RPS6KA2: variants seen among roughly 807,000 people sequenced by gnomAD.
RPS6KA2 encodes the protein ribosomal protein S6 kinase alpha-2.
RPS6KA2 carries 42 observed loss-of-function variants against 91.8 expected under a neutral mutation model. The observed-to-expected ratio is 0.46, with a 90% CI of 0.36 to 0.59. The LOEUF (loss-of-function observed/expected upper bound fraction) is 0.59. Ranked by LOEUF, RPS6KA2 falls within the 20% of genes least tolerant of loss-of-function variation. The pLI, the probability that RPS6KA2 is intolerant of heterozygous loss-of-function variation, is 0.00. For missense variants in RPS6KA2, 798 were observed against 978.5 expected (o/e 0.82, Z 2.46); for synonymous variants, 414 against 393.6 (o/e 1.05, Z -0.61).
At chr6:166,695,508 T>G (rs1373419791) in intron 2 of RPS6KA2, among the ~76,000 whole-genome samples, 1 of 152,212 alleles carries the variant, frequency 6.6e-6, no homozygotes, top group Admixed American at 6.5e-5. Flanking sequence ...TTTTTCTGAT[T>G]ATGTCTGTTA....
In RPS6KA2 at chr6:166,733,732, G is replaced by A. The variant is rs2128589902; in HGVS notation, c.123+124468C>T. On this transcript the variant is annotated intron_variant, in intron 2 of 21. Coordinates refer to the RPS6KA2 transcript ENST00000503859. This position sits in a 1 kb window ranked among gnomAD's most constrained non-coding sequence, Gnocchi z 4.1. ...CGGGTTCCGGAGCTCACTCTAAGTGGGGAAGTGGAGGCTGCCCTGGTAGGT... is the reference window on the plus strand; with the variant it reads ...CGGGTTCCGGAGCTCACTCTAAGTGAGGAAGTGGAGGCTGCCCTGGTAGGT... Among the ~76,000 whole-genome samples, 1 of 152,312 alleles carries A rather than the reference G, an allele frequency of 6.6e-6. No homozygotes were observed. Among genetic ancestry groups the A allele is most frequent in the Admixed American group, 6.5e-5 (1 of 15,304 alleles).
upstream of RPS6KA2, among the ~76,000 whole-genome samples, chr6:166,629,180 AC>A (rs1347494690): frequency 2.0e-5 from 3 of 152,210 alleles, no homozygotes; most frequent in African/African-American, 4.8e-5. Context: ...GGGAGGACCA[AC>A]CCGACCATGC....
chr6:166,436,054 A>G (rs906707030), intron 14 of RPS6KA2, among the ~76,000 whole-genome samples: 2 of 152,212 alleles, frequency 1.3e-5, no homozygotes, highest in African/African-American at 4.8e-5. Context: ...GATTCAACAA[A>G]TTAATATGAA....
At position 166,787,837 on chromosome 6, in the gene RPS6KA2, A is replaced by G. The variant is rs1421384018; in HGVS notation, c.123+70363T>C. 3.3e-5 allele frequency among the ~76,000 whole-genome samples: 5 copies of G among 152,332 alleles called. No homozygotes were observed. The East Asian group carries it at 9.7e-4, about 29-fold the overall frequency. On this transcript the variant is annotated intron_variant, in intron 2 of 21. Coordinates refer to the RPS6KA2 transcript ENST00000503859. Reference sequence around the variant, plus strand: ...AAATTGACAAATGGGATCTAATCAAACTAAAGAGCTTCTGCGCAGCAAAAG... The same window carrying G: ...AAATTGACAAATGGGATCTAATCAAGCTAAAGAGCTTCTGCGCAGCAAAAG...
chr6:166,628,808 G>A (rs552984461), upstream of RPS6KA2, among the ~76,000 whole-genome samples: 1 of 152,342 alleles, frequency 6.6e-6, no homozygotes, highest in Admixed American at 6.5e-5. Flanking sequence ...GCAAGATCAC[G>A]GATGTGGGAG....
At chr6:166,540,316 G>T (rs1783613867) in intron 1 of RPS6KA2, among the ~76,000 whole-genome samples, 1 of 152,226 alleles carries the variant, frequency 6.6e-6, no homozygotes, top group Admixed American at 6.5e-5. Context: ...AGCAGATAAG[G>T]TGTCTGAGCC....
chr6:166,508,210 G>C lies in RPS6KA2; in HGVS notation c.452C>G (p.Ser151Cys). The C allele has an allele frequency of 6.2e-7, 1 of 1,610,510 alleles. No individual in the cohort carries two copies. Among genetic ancestry groups the C allele is most frequent in the Non-Finnish European group, 8.5e-7 (1 of 1,176,906 alleles). ...GATGTGGCGGCTGCTCACCTCTTTG[G>C]AGAGCCGGGTGAAGAGGTCCCCTCC... ...LRGGDLFTRL[S>C]KEVMFTEEDV... The change falls in exon 5 of 21, where the codon TCC (serine) becomes TGC (cysteine). Residue 151 changes from serine (S) to cysteine (C), a missense_variant. Physicochemically the swap from Ser to Cys is moderately radical, Grantham distance 112. Transcript: ENST00000265678. The surrounding 1 kb of genome is among the most constrained non-coding windows in gnomAD (Gnocchi z 4.3).
intron 2 of RPS6KA2, among the ~76,000 whole-genome samples, chr6:166,671,917 G>C (rs1000262499): frequency 6.6e-6 from 1 of 152,148 alleles, no homozygotes; most frequent in Admixed American, 6.6e-5. Context: ...TTCGCAGGAG[G>C]ACAGCAGGGG....
intron 2 of RPS6KA2, among the ~76,000 whole-genome samples, chr6:166,742,564 C>T (rs533813732): frequency 1.3e-5 from 2 of 152,186 alleles, no homozygotes; most frequent in South Asian, 2.1e-4. Flanking sequence ...GCTCTCCCTG[C>T]GGTGGCCACG....
intron 2 of RPS6KA2, among the ~76,000 whole-genome samples, chr6:166,818,331 C>A (rs1032538872): frequency 6.6e-6 from 1 of 152,156 alleles, no homozygotes; most frequent in African/African-American, 2.4e-5. Context: ...AGAGTCCAGG[C>A]TAATTGCATT....
intron 2 of RPS6KA2, among the ~76,000 whole-genome samples, chr6:166,789,390 C>A (rs1167773861): frequency 6.6e-6 from 1 of 152,276 alleles, no homozygotes. Flanking sequence ...TCCACCACAG[C>A]TCAAGGAGGC....
chr6:166,751,296 G>A (rs1055433855), intron 2 of RPS6KA2, among the ~76,000 whole-genome samples: 1 of 152,232 alleles, frequency 6.6e-6, no homozygotes, highest in African/African-American at 2.4e-5. Context: ...TCAGGAAGGG[G>A]CAGAGATTAC....
At chr6:166,561,484 C>T (rs996155844) in intron 1 of RPS6KA2, among the ~76,000 whole-genome samples, 2 of 152,102 alleles carry the variant, frequency 1.3e-5, no homozygotes, top group Admixed American at 1.3e-4. Context: ...CTGCTCTGTG[C>T]CCCTACTGCC....
At position 166,619,975 on chromosome 6, in the gene RPS6KA2, C is replaced by T. The variant is rs191300849; in HGVS notation, c.99+6946G>A. Among the ~76,000 whole-genome samples, 45 of 152,268 alleles carry T rather than the reference C, an allele frequency of 3.0e-4. No individual in the cohort carries two copies. In the East Asian group the frequency reaches 6.8e-3, roughly 23 times the overall value. On this transcript the variant is annotated intron_variant, in intron 1 of 20. Transcript: ENST00000265678. ...CCCACTCCTCCTGTTATAAATTTGGCCTCACAGTTTAATGAGTAAAAGCTG... is the reference window on the plus strand; with the variant it reads ...CCCACTCCTCCTGTTATAAATTTGGTCTCACAGTTTAATGAGTAAAAGCTG...
At chr6:166,672,279 A>T (rs1788493208) in intron 2 of RPS6KA2, among the ~76,000 whole-genome samples, 1 of 152,156 alleles carries the variant, frequency 6.6e-6, no homozygotes, top group Admixed American at 6.5e-5. Flanking sequence ...TACCTCCTGC[A>T]CCACAAGCGA....
chr6:166,672,161 C>A (rs936073613), intron 2 of RPS6KA2, among the ~76,000 whole-genome samples: 4 of 152,068 alleles, frequency 2.6e-5, no homozygotes, highest in Non-Finnish European at 4.4e-5. Context: ...AAAATGTTAT[C>A]GGGAGGTTAA....
intron 2 of RPS6KA2, among the ~76,000 whole-genome samples, chr6:166,532,649 C>T (rs1028010535): frequency 2.0e-5 from 3 of 152,098 alleles, no homozygotes; most frequent in African/African-American, 4.8e-5. Context: ...ACCCCAGCAC[C>T]CCTACCCGGG....
chr6:166,618,561 T>C (rs1450639962), intron 1 of RPS6KA2, among the ~76,000 whole-genome samples: 1 of 152,118 alleles, frequency 6.6e-6, no homozygotes, highest in Non-Finnish European at 1.5e-5. Flanking sequence ...AGATTGACCA[T>C]CACTAGAAGA....
chr6:166,508,623 C>T lies in RPS6KA2; in HGVS notation c.380-341G>A, dbSNP rs1311461783. Among the ~76,000 whole-genome samples, 5 of 152,076 alleles carry T rather than the reference C, an allele frequency of 3.3e-5. No homozygotes were observed. Among genetic ancestry groups the T allele is most frequent in the Admixed American group, 6.5e-5 (1 of 15,282 alleles). Reference sequence around the variant, plus strand: ...AGCTGGTATCGTTGCTGGCTTTTGTCGTAATGCATTAGTGAGCAGCCTGAA... The same window carrying T: ...AGCTGGTATCGTTGCTGGCTTTTGTTGTAATGCATTAGTGAGCAGCCTGAA... On this transcript the variant is annotated intron_variant, in intron 4 of 20. Transcript: ENST00000265678. This position sits in a 1 kb window ranked among gnomAD's most constrained non-coding sequence, Gnocchi z 4.3.
Sources: gnomAD v4.1 joint callset for allele counts (sites outside exome capture counted in the v4.1 genomes callset) on GRCh38, gnomAD v4.1.1 for gene constraint, Gnocchi (gnomAD v3.1) non-coding constraint, MANE v1.5 for transcripts, NCBI Gene and HGNC (gene_info 2026-07-23, HGNC 2026-07-21) for gene names.